EPHA7: variants seen among roughly 807,000 people sequenced by gnomAD.
The protein encoded by EPHA7 is ephrin type-A receptor 7.
Under a neutral mutation model 112.6 loss-of-function variants are expected in EPHA7, and 25 were observed. The observed-to-expected ratio is 0.22, with a 90% CI of 0.16 to 0.31. The LOEUF is 0.31. Ranked by LOEUF, EPHA7 falls within the 10% of genes least tolerant of loss-of-function variation. EPHA7 has a pLI of 1.00. For synonymous variants in EPHA7, 437 were observed against 406.5 expected (o/e 1.07, Z -0.90); for missense variants, 962 against 1,212.6 (o/e 0.79, Z 3.07).
intron 3 of EPHA7, among the ~76,000 whole-genome samples, chr6:93,398,258 C>A (rs1778274741): frequency 6.6e-6 from 1 of 151,908 alleles, no homozygotes; most frequent in Admixed American, 6.6e-5. Context: ...AGATTAAGAA[C>A]TTTAACTGAT....
At chr6:93,392,116 T>C (rs1777940433) in intron 3 of EPHA7, among the ~76,000 whole-genome samples, 1 of 152,018 alleles carries the variant, frequency 6.6e-6, no homozygotes. Flanking sequence ...ATCTCAGGAT[T>C]CTTTCACAAC....
chr6:93,319,535 G>T (rs1393601658), intron 5 of EPHA7, among the ~76,000 whole-genome samples: 1 of 152,124 alleles, frequency 6.6e-6, no homozygotes, highest in African/African-American at 2.4e-5. Flanking sequence ...CATAAAGCCT[G>T]GCAGACTTCT....
chr6:93,383,685 G>T (rs915276005), intron 3 of EPHA7, among the ~76,000 whole-genome samples: 1 of 152,082 alleles, frequency 6.6e-6, no homozygotes, highest in Non-Finnish European at 1.5e-5. Flanking sequence ...CTTCCTGGAG[G>T]AGTAATAGTT....
At chr6:93,383,263 C>CGT (rs56368005) in intron 3 of EPHA7, among the ~76,000 whole-genome samples, 11,504 of 145,186 alleles carry the variant, frequency 0.079, 549 homozygotes, top group East Asian at 0.29. Flanking sequence ...TATTGGAACT[C>CGT]GTGTGTGTGT....
chr6:93,373,021 T>C (rs1390784925), intron 3 of EPHA7, among the ~76,000 whole-genome samples: 1 of 152,028 alleles, frequency 6.6e-6, no homozygotes, highest in Non-Finnish European at 1.5e-5. Flanking sequence ...TTAGAGTGCA[T>C]ATGTCTTCAA....
At chr6:93,286,503 A>G (rs1417905890) in intron 5 of EPHA7, among the ~76,000 whole-genome samples, 1 of 152,200 alleles carries the variant, frequency 6.6e-6, no homozygotes, top group African/African-American at 2.4e-5. Context: ...GGAGAAAACT[A>G]GCAGTGTCTG....
At chr6:93,390,247 A>C (rs1273346787) in intron 3 of EPHA7, among the ~76,000 whole-genome samples, 1 of 151,806 alleles carries the variant, frequency 6.6e-6, no homozygotes, top group African/African-American at 2.4e-5. Context: ...ACAGTAAAAA[A>C]AAAAGGTGAA....
At chr6:93,308,365 G>T (rs1437748769) in intron 5 of EPHA7, among the ~76,000 whole-genome samples, 2 of 151,872 alleles carry the variant, frequency 1.3e-5, no homozygotes, top group African/African-American at 4.8e-5. Flanking sequence ...ATTATTTTTT[G>T]CTGTTACAAT....
rs572404710 is a variant in EPHA7, at chr6:93,323,112, T to G, written c.1324+33605A>C. 3.1e-4 allele frequency among the ~76,000 whole-genome samples: 47 copies of G among 151,816 alleles called. 1 individual carries two copies. Among genetic ancestry groups the G allele is most frequent in the East Asian group, 3.9e-4 (2 of 5,178 alleles). On this transcript the variant is annotated intron_variant, in intron 5 of 16. Coordinates refer to ENST00000369303, the MANE Select transcript of EPHA7 (RefSeq NM_004440.4). ...CAACTTCAAATGCATAACATAGAAT[T>G]TTTTGATTATACATATTTAAGCATT...
intron 5 of EPHA7, among the ~76,000 whole-genome samples, chr6:93,292,506 T>TG (rs1772432186): frequency 1.3e-5 from 2 of 152,102 alleles, no homozygotes; most frequent in African/African-American, 4.8e-5. Context: ...GTGTTTTTTT[T>TG]TGGGGGGGCG....
intron 8 of EPHA7, among the ~76,000 whole-genome samples, chr6:93,264,124 A>C (rs1329842576): frequency 6.6e-6 from 1 of 151,594 alleles, no homozygotes; most frequent in African/African-American, 2.4e-5. Context: ...GGAACATTTT[A>C]AAAAATACAT....
chr6:93,414,006 C>T (rs527842529), intron 2 of EPHA7, among the ~76,000 whole-genome samples: 6 of 151,852 alleles, frequency 4.0e-5, no homozygotes, highest in East Asian at 1.9e-4. Flanking sequence ...TCTGAAGACA[C>T]GGATACTGAG....
At chr6:93,350,122 A>G (rs573851641) in intron 5 of EPHA7, among the ~76,000 whole-genome samples, 1 of 152,136 alleles carries the variant, frequency 6.6e-6, no homozygotes, top group South Asian at 2.1e-4. Flanking sequence ...AAAATATGCA[A>G]GGCTATTTTT....
At chr6:93,268,697 C>G (rs915083687) in intron 7 of EPHA7, among the ~76,000 whole-genome samples, 2 of 151,812 alleles carry the variant, frequency 1.3e-5, no homozygotes, top group East Asian at 3.9e-4. Context: ...TGAACTTGGA[C>G]TCTGACAGCA....
rs1351555561 is a variant in EPHA7, at chr6:93,379,115, T to TA, written c.833-20705dup. Among the ~76,000 whole-genome samples, 7 of 152,080 alleles carry TA rather than the reference T, an allele frequency of 4.6e-5. No homozygotes were observed. The East Asian group carries it at 1.3e-3, about 29-fold the overall frequency. On this transcript the variant is annotated intron_variant, in intron 3 of 16. Transcript: ENST00000369303. ...AAGAAATACGTTAGCATTACTCAAG[T>TA]AAAAATTATGTTACACATGGGATAG...
chr6:93,305,018 T>C (rs1029733567), intron 5 of EPHA7, among the ~76,000 whole-genome samples: 3 of 152,060 alleles, frequency 2.0e-5, no homozygotes, highest in Non-Finnish European at 2.9e-5. Context: ...TAAAATACAA[T>C]GTAGATTATT....
At position 93,242,851 on chromosome 6, in the gene EPHA7, A is replaced by G. The variant is rs150887941; in HGVS notation, c.*575T>C. The G allele has an allele frequency of 3.3e-3, 694 of 213,030 alleles. 3 individuals are homozygous for G. The highest frequency in any genetic ancestry group is 0.015 in the African/African-American group (657 of 44,416). 13.2% of individuals were successfully genotyped at this position (213,030 alleles called of 1,614,324 possible). On this transcript the variant is annotated 3_prime_UTR_variant, in exon 17 of 17. Coordinates refer to ENST00000369303, the MANE Select transcript of EPHA7 (RefSeq NM_004440.4). ...GGCACAAAAAGGATACCAATGTTCT[A>G]ACAGAGATGTATCTTCAATCATGCT...
At chr6:93,375,067 A>G (rs1776986211) in intron 3 of EPHA7, among the ~76,000 whole-genome samples, 1 of 152,152 alleles carries the variant, frequency 6.6e-6, no homozygotes, top group Admixed American at 6.5e-5. Flanking sequence ...TTCCTTTAAT[A>G]ATTTCAACAA....
intron 5 of EPHA7, among the ~76,000 whole-genome samples, chr6:93,279,685 C>T (rs1771638654): frequency 6.6e-6 from 1 of 152,164 alleles, no homozygotes; most frequent in Non-Finnish European, 1.5e-5. Flanking sequence ...CAAAACACAG[C>T]TGCAAGTTGT....
Sources: gnomAD v4.1 joint callset for allele counts (sites outside exome capture counted in the v4.1 genomes callset) on GRCh38, gnomAD v4.1.1 for gene constraint, MANE v1.5 for transcripts, NCBI Gene and HGNC (gene_info 2026-07-23, HGNC 2026-07-21) for gene names.